MYH15: variants seen among roughly 807,000 people sequenced by gnomAD.
The protein encoded by MYH15 is myosin-15.
Under a neutral mutation model 240.5 loss-of-function variants are expected in MYH15, and 227 were observed. The observed-to-expected ratio is 0.94, with a 90% CI of 0.85 to 1.05. The LOEUF is 1.05. Ranked by LOEUF, MYH15 falls within the 50% of genes least tolerant of loss-of-function variation. MYH15 has a pLI of 0.00. For synonymous variants in MYH15, 785 were observed against 796.7 expected, an observed-to-expected ratio of 0.99 and a Z score of 0.25; for missense variants, 2,217 against 2,247.5, an observed-to-expected ratio of 0.99 and a Z score of 0.27.
chr3:108,436,115 G>A (rs916650635), intron 25 of MYH15, among the ~76,000 whole-genome samples: 2 of 152,002 alleles, frequency 1.3e-5, no homozygotes, highest in East Asian at 1.9e-4. Flanking sequence ...CACCTTTATC[G>A]CTTATTGTTT....
intron 21 of MYH15, among the ~76,000 whole-genome samples, chr3:108,445,894 T>A (rs981862256): frequency 1.3e-5 from 2 of 151,992 alleles, no homozygotes; most frequent in Admixed American, 1.3e-4. Context: ...GCAGTTGGAA[T>A]CAAATACTCA....
At chr3:108,469,970 A>G in intron 14 of MYH15, 72 bp downstream of exon 14, 1 of 1,453,994 alleles carries the variant, frequency 6.9e-7, no homozygotes, top group Non-Finnish European at 9.3e-7. Flanking sequence ...CTAAGTCCTG[A>G]CATGGATCAA....
intron 31 of MYH15, 96 bp downstream of exon 31, chr3:108,410,487 T>G: frequency 1.2e-6 from 1 of 804,644 alleles, no homozygotes; most frequent in East Asian, 2.6e-5. Flanking sequence ...TAAAACATGT[T>G]GGGAATGTGA....
Position 108,444,636 on chromosome 3 carries a change from T to C in MYH15, c.2655+4A>G, listed in dbSNP as rs777432307. The stretch of plus-strand genomic sequence containing the variant: ...TTTAAAGAACAAATGGTGGGGCTAC[T>C]CACAGCCTGAAGCTGAAGAATCAGG... On this transcript the variant is annotated splice_donor_region_variant and intron_variant, in intron 22 of 40. Coordinates refer to ENST00000693548, the MANE Select transcript of MYH15 (RefSeq NM_014981.3). 6.2e-7 allele frequency: 1 copy of C among 1,613,802 alleles called. No individual in the cohort carries two copies. The highest frequency in any genetic ancestry group is 1.7e-5 in the Admixed American group (1 of 59,970).
chr3:108,497,329 C>T (rs1222924740), intron 6 of MYH15, among the ~76,000 whole-genome samples: 4 of 151,838 alleles, frequency 2.6e-5, no homozygotes, highest in African/African-American at 4.8e-5. Context: ...CATCCAGTAT[C>T]GAATTGAAAA....
intron 35 of MYH15, among the ~76,000 whole-genome samples, chr3:108,395,450 T>A (rs1454243203): frequency 6.6e-6 from 1 of 152,172 alleles, no homozygotes. Flanking sequence ...AATTAAGTTG[T>A]ATTTTCCTGA....
In MYH15 at chr3:108,498,113, C is replaced by T; in HGVS notation, c.557G>A (p.Ser186Asn). The change falls in exon 6 of 41, where the codon AGC becomes AAC. Residue 186 changes from serine to asparagine, a missense_variant. Physicochemically the swap from Ser to Asn is conservative, Grantham distance 46. Transcript: ENST00000693548. ...GGCAAAATACTGGATAATATGTTTG[C>T]TGTTCACAGTCTTTCCAGCACCAGA... ...GESGAGKTVNSKHIIQYFATI... is the reference protein window; with the variant it reads ...GESGAGKTVNNKHIIQYFATI... The T allele has an allele frequency of 1.2e-6, 2 of 1,614,052 alleles. No homozygotes were observed. Among genetic ancestry groups the T allele is most frequent in the South Asian group, 1.1e-5 (1 of 91,082 alleles).
At chr3:108,524,206 T>C (rs114102070) in intron 1 of MYH15, among the ~76,000 whole-genome samples, 44 of 152,162 alleles carry the variant, frequency 2.9e-4, no homozygotes, top group African/African-American at 1.1e-3. Context: ...TTACTGACAG[T>C]AATAGGCCTT....
chr3:108,540,423 T>C, the MYH15 span, among the ~76,000 whole-genome samples: 2 of 152,194 alleles, frequency 1.3e-5, no homozygotes, highest in Admixed American at 1.3e-4. Flanking sequence ...TCCACTGACA[T>C]GGAGTATGAG....
intron 37 of MYH15, 84 bp downstream of exon 37, chr3:108,391,676 G>C: frequency 1.4e-6 from 2 of 1,387,328 alleles, no homozygotes; most frequent in Middle Eastern, 1.9e-4. Flanking sequence ...ATGTGTGTTG[G>C]GGGGCAGATC....
chr3:108,522,435 C>A (rs998928913), intron 1 of MYH15, among the ~76,000 whole-genome samples: 13 of 151,772 alleles, frequency 8.6e-5, no homozygotes, highest in African/African-American at 3.2e-4. Context: ...AAACAAGGGT[C>A]TTAATGTAAA....
At chr3:108,521,798 C>T (rs1344708352) in intron 1 of MYH15, among the ~76,000 whole-genome samples, 2 of 152,162 alleles carry the variant, frequency 1.3e-5, no homozygotes, top group South Asian at 2.1e-4. Flanking sequence ...ATAGATACAG[C>T]GCCCTGGCTG....
At chr3:108,431,312 A>G (rs2082777447) in intron 25 of MYH15, among the ~76,000 whole-genome samples, 1 of 152,152 alleles carries the variant, frequency 6.6e-6, no homozygotes, top group Non-Finnish European at 1.5e-5. Context: ...CCCGAATCTC[A>G]TCTTGAATTT....
intron 5 of MYH15, among the ~76,000 whole-genome samples, chr3:108,498,907 C>A (rs2083414627): frequency 6.6e-6 from 1 of 152,212 alleles, no homozygotes; most frequent in African/African-American, 2.4e-5. Flanking sequence ...TGACACTTTA[C>A]CTGGCCAGCC....
chr3:108,382,292 C>T (rs1413079947), intron 40 of MYH15, among the ~76,000 whole-genome samples: 2 of 152,144 alleles, frequency 1.3e-5, no homozygotes, highest in East Asian at 3.8e-4. Flanking sequence ...GGCAGCTATT[C>T]AGGCATCAGT....
chr3:108,414,238 T>G lies in MYH15; in HGVS notation c.4139A>C (p.Asp1380Ala). 6.2e-7 allele frequency: 1 copy of G among 1,613,926 alleles called. No homozygotes were observed. Among genetic ancestry groups the G allele is most frequent in the Non-Finnish European group, 8.5e-7 (1 of 1,179,784 alleles). ...ATAGCCTTGCCCTACTCACTTGGCA[T>G]CCTCCAAGTCTTCTGTTCTCTGGAT... ...NVIQRTEDLE[D>A]AKKELAIRLQ... The change falls in exon 30 of 41, where the codon GAT (aspartate) becomes GCT (alanine). Residue 1380 changes from aspartate to alanine, a missense_variant. Coordinates refer to ENST00000693548, the MANE Select transcript of MYH15 (RefSeq NM_014981.3).
At chr3:108,432,041 C>T (rs771266135) in intron 25 of MYH15, among the ~76,000 whole-genome samples, 1 of 149,408 alleles carries the variant, frequency 6.7e-6, no homozygotes, top group Non-Finnish European at 1.5e-5. Context: ...GACTTGGGTG[C>T]TGTTAAATGC....
chr3:108,414,573 G>A (rs2082619914), intron 29 of MYH15, 145 bp from the exon 30 acceptor site: 2 of 650,932 alleles, frequency 3.1e-6, no homozygotes, highest in African/African-American at 3.6e-5. Flanking sequence ...GATAACACTA[G>A]GGAGAGAATT....
At chr3:108,510,722 C>A (rs78799187), upstream of MYH15, 3 of 821,842 alleles carry the variant, frequency 3.7e-6, no homozygotes, top group Non-Finnish European at 5.5e-6. Context: ...TCTTTCTCTT[C>A]GCTATGTCTC....
Sources: gnomAD v4.1 joint callset for allele counts (sites outside exome capture counted in the v4.1 genomes callset) on GRCh38, gnomAD v4.1.1 for gene constraint, MANE v1.5 for transcripts, NCBI Gene and HGNC (gene_info 2026-07-23, HGNC 2026-07-21) for gene names.